Variants in FAM169A observed in about 807,000 individuals in gnomAD.
The protein encoded by FAM169A is soluble lamin-associated protein of 75 kDa.
In FAM169A, 24 loss-of-function variants were observed where a neutral mutation model predicts 75.7. The observed-to-expected ratio is 0.32, with a 90% CI of 0.23 to 0.45. The LOEUF (loss-of-function observed/expected upper bound fraction) is 0.45. FAM169A is among the 20% of genes least tolerant of loss of function. The pLI, the probability that FAM169A is intolerant of heterozygous loss-of-function variation, is 1.00. For missense variants in FAM169A, 673 were observed against 784.0 expected (o/e 0.86, Z 1.69); for synonymous variants, 271 against 271.0 (o/e 1.00, Z 0.00).
intron 1 of FAM169A, among the ~76,000 whole-genome samples, chr5:74,842,043 G>T (rs72764681): frequency 0.085 from 12,914 of 151,442 alleles, 681 homozygotes; most frequent in Admixed American, 0.17. Context: ...AAGGACACGA[G>T]AACTTGTTGG....
chr5:74,818,866 G>A (rs1026910083), intron 5 of FAM169A, among the ~76,000 whole-genome samples: 5 of 147,472 alleles, frequency 3.4e-5, no homozygotes, highest in South Asian at 4.3e-4. Flanking sequence ...GCAGGTTTTC[G>A]TATGTCAGTT....
At chr5:74,833,099 T>A (rs1056824038) in intron 5 of FAM169A, among the ~76,000 whole-genome samples, 3 of 152,112 alleles carry the variant, frequency 2.0e-5, no homozygotes, top group Non-Finnish European at 4.4e-5. Flanking sequence ...TGTGTGTCTT[T>A]CATAGAAAGA....
At position 74,837,580 on chromosome 5, in the gene FAM169A, C is replaced by CT. The variant is rs546994811; in HGVS notation, c.318+1384dup. 1.0e-3 allele frequency among the ~76,000 whole-genome samples: 157 copies of CT among 152,184 alleles called. 1 individual carries two copies. The highest frequency in any genetic ancestry group is 1.9e-3 in the Non-Finnish European group (131 of 67,986). ...AGTAACCCGCAAGTTTCTTCAGTTT[C>CT]TTTTTTTCCTGCTGCCACTGCCCCT... is the stretch of plus-strand genomic sequence containing the variant. On this transcript the variant is annotated intron_variant, in intron 4 of 12. Coordinates refer to ENST00000687041, the MANE Select transcript of FAM169A (RefSeq NM_001376049.1).
chr5:74,795,999 TTTTC>T, intron 11 of FAM169A, 27 bp downstream of exon 11: 1 of 1,595,894 alleles, frequency 6.3e-7, no homozygotes, highest in Non-Finnish European at 8.5e-7. Flanking sequence ...AGTTTACTTT[TTTTC>T]ATTTTGCTGA....
chr5:74,864,769 C>A (rs1750224755), intron 1 of FAM169A, among the ~76,000 whole-genome samples: 1 of 152,158 alleles, frequency 6.6e-6, no homozygotes, highest in Non-Finnish European at 1.5e-5. Context: ...CTGTGAAAGA[C>A]GATCATGTTT....
intron 5 of FAM169A, among the ~76,000 whole-genome samples, chr5:74,818,946 G>A (rs557056374): frequency 2.6e-4 from 40 of 152,240 alleles, no homozygotes; most frequent in African/African-American, 7.2e-4. Context: ...ATGGCTAGGC[G>A]CGGAGGCTCA....
intron 11 of FAM169A, among the ~76,000 whole-genome samples, chr5:74,794,717 T>G (rs1400243074): frequency 6.9e-6 from 1 of 144,980 alleles, no homozygotes; most frequent in African/African-American, 2.6e-5. Context: ...AGGCAGAGCT[T>G]GCAGTGAGCC....
At chr5:74,803,276 G>A (rs1239037457) in intron 8 of FAM169A, among the ~76,000 whole-genome samples, 10 of 151,840 alleles carry the variant, frequency 6.6e-5, no homozygotes. Flanking sequence ...TTTATAACTG[G>A]CCAATACTAA....
At position 74,781,640 on chromosome 5, in the gene FAM169A, T is replaced by G; in HGVS notation, c.1833A>C (p.Ser611=). The change falls in exon 13 of 13, where the codon TCA becomes TCC. Residue 611 remains serine, a synonymous_variant. Coordinates refer to ENST00000687041, the MANE Select transcript of FAM169A (RefSeq NM_001376049.1). The part of the protein sequence containing the change: ...FSQNAGQKNQ[S]EEQSEASSEQ... ...CGGAAGATGCTTCAGACTGCTCCTC[T>G]GACTGATTCTTCTGTCCTGCATTCT... 1 of 1,614,198 alleles carries G rather than the reference T, an allele frequency of 6.2e-7. No homozygotes were observed. Among genetic ancestry groups the G allele is most frequent in the Non-Finnish European group, 8.5e-7 (1 of 1,180,010 alleles).
At chr5:74,863,979 ACT>A (rs1307492716) in intron 1 of FAM169A, among the ~76,000 whole-genome samples, 6 of 152,058 alleles carry the variant, frequency 3.9e-5, no homozygotes, top group Admixed American at 3.9e-4. Flanking sequence ...CTAAACCAAG[ACT>A]CATCTCTAAA....
At chr5:74,838,713 G>C (rs1365432399) in intron 4 of FAM169A, among the ~76,000 whole-genome samples, 2 of 152,146 alleles carry the variant, frequency 1.3e-5, no homozygotes, top group African/African-American at 4.8e-5. Context: ...AGCTAACTTG[G>C]ATAAAGGTAG....
chr5:74,812,762 C>T (rs900817460), intron 6 of FAM169A, among the ~76,000 whole-genome samples: 2 of 152,080 alleles, frequency 1.3e-5, no homozygotes, highest in African/African-American at 2.4e-5. Flanking sequence ...TATGAGATGC[C>T]CCTGCACATC....
intron 11 of FAM169A, among the ~76,000 whole-genome samples, chr5:74,785,280 C>T (rs1745639625): frequency 6.6e-6 from 1 of 152,184 alleles, no homozygotes; most frequent in African/African-American, 2.4e-5. Context: ...GATTGCACCA[C>T]TGCATTCCAG....
rs1293601264 is a variant in FAM169A at position 74,781,109 on chromosome 5, A to ATCCT, written c.*347_*350dup. The ATCCT allele has an allele frequency of 5.3e-6, 1 of 187,732 alleles. No individual in the cohort carries two copies. The highest frequency in any genetic ancestry group is 2.3e-5 in the African/African-American group (1 of 42,582). The allele number at this position is 187,732 out of a possible 1,614,324, so 11.6% of individuals were successfully genotyped here. ...ACCCTTAGTATAAAAGATTTCTGTG[A>ATCCT]TCCTTATAAGTAATGGAAATCCTAC... On this transcript the variant is annotated 3_prime_UTR_variant, in exon 13 of 13. Transcript: ENST00000687041.
chr5:74,846,075 T>A (rs1749141909), intron 1 of FAM169A, among the ~76,000 whole-genome samples: 1 of 152,194 alleles, frequency 6.6e-6, no homozygotes, highest in African/African-American at 2.4e-5. Context: ...TTTCTTCTCT[T>A]ATGGACAAGA....
intron 4 of FAM169A, among the ~76,000 whole-genome samples, chr5:74,835,266 C>T (rs918856777): frequency 6.6e-6 from 1 of 152,006 alleles, no homozygotes; most frequent in African/African-American, 2.4e-5. Flanking sequence ...TCACAGGGAC[C>T]GCACCAACAC....
intron 1 of FAM169A, among the ~76,000 whole-genome samples, chr5:74,864,800 G>T (rs1383287354): frequency 6.6e-6 from 1 of 152,192 alleles, no homozygotes; most frequent in African/African-American, 2.4e-5. Flanking sequence ...TGCGCTTCAA[G>T]TGTTAGGATA....
Position 74,805,204 on chromosome 5 carries a change from G to A in FAM169A, c.751C>T (p.Arg251Ter). ...TGTAATGCTCTGGTGACTGGTATTC[G>A]CTGGTACCAGTGTCCAACACCTTCA... is the stretch of plus-strand genomic sequence containing the variant. Reference protein sequence around the residue: ...EVEGVGHWYQRIPVTRALQRE... With the variant: ...EVEGVGHWYQ Residue 251 changes from arginine (R) to a stop codon, truncating the protein, a stop_gained, in exon 7 of 13, where the codon CGA becomes TGA. Transcript: ENST00000687041. LOFTEE classifies it high-confidence loss of function. 3.1e-6 allele frequency: 5 copies of A among 1,612,928 alleles called. No homozygotes were observed. Among genetic ancestry groups the A allele is most frequent in the African/African-American group, 1.3e-5 (1 of 74,982 alleles).
rs374583597 is a variant in FAM169A, at chr5:74,804,618, G to A, written c.800-13C>T. ...TTTTGAGAAAGTGCTGCGTATAGAA[G>A]AATTTTAAAAACTGTAACCGAATCA... On this transcript the variant is annotated splice_polypyrimidine_tract_variant and intron_variant, in intron 7 of 12. Coordinates refer to ENST00000687041, the MANE Select transcript of FAM169A (RefSeq NM_001376049.1). 2 of 1,440,286 alleles carry A rather than the reference G, an allele frequency of 1.4e-6. No individual in the cohort carries two copies. The highest frequency in any genetic ancestry group is 2.8e-5 in the African/African-American group (2 of 70,750). 89.2% of individuals were successfully genotyped at this position (1,440,286 alleles called of 1,614,324 possible).
Sources: allele counts gnomAD v4.1 joint callset (sites outside exome capture counted in the v4.1 genomes callset), GRCh38; gene constraint gnomAD v4.1.1; transcripts MANE v1.5; gene names NCBI Gene and HGNC (gene_info 2026-07-23, HGNC 2026-07-21).